Variants in PCDH11X observed in about 807,000 individuals in gnomAD.
PCDH11X encodes protocadherin 11 X-linked.
PCDH11X carries 18 observed loss-of-function variants against 53.3 expected under a neutral mutation model. That is an observed-to-expected ratio of 0.34 (90% CI 0.23 to 0.50). The LOEUF (loss-of-function observed/expected upper bound fraction) is 0.50, where lower values mean the gene tolerates loss of function less well. PCDH11X is among the 20% of genes least tolerant of loss of function. PCDH11X has a pLI of 0.98. For synonymous variants in PCDH11X, 279 were observed against 393.3 expected (o/e 0.71, Z 3.44); for missense variants, 570 against 1,032.4 (o/e 0.55, Z 6.14).
chrX:91,813,368 C>T (rs1444074895), intron 4 of PCDH11X, among the ~76,000 whole-genome samples: 2 of 105,715 alleles, frequency 1.9e-5, no homozygotes, highest in Non-Finnish European at 3.9e-5. Flanking sequence ...TATGCTTATT[C>T]AAATTTTCCC....
At chrX:91,887,850 T>C (rs974644678) in intron 6 of PCDH11X, among the ~76,000 whole-genome samples, 58 of 111,476 alleles carry the variant, frequency 5.2e-4, no homozygotes, top group Middle Eastern at 4.7e-3. Context: ...CCTTGATTAG[T>C]TGATAGTGTA....
At chrX:91,821,374 G>T (rs1433592865) in intron 4 of PCDH11X, among the ~76,000 whole-genome samples, 1 of 108,859 alleles carries the variant, frequency 9.2e-6, no homozygotes, top group Non-Finnish European at 1.9e-5. Context: ...AGTTCTCCTT[G>T]AAGAGGTCCT....
chrX:91,948,555 C>T lies in PCDH11X; in HGVS notation c.3033+69282C>T, dbSNP rs376129676. On this transcript the variant is annotated intron_variant, in intron 6 of 10. Coordinates refer to ENST00000682573, the MANE Select transcript of PCDH11X (RefSeq NM_032968.5). ...TGCTCTGTCCTACACTAAGATGTTG[C>T]AATCAGATGATACATTTATATTAGT... Among the ~76,000 whole-genome samples, 4 of 110,610 alleles carry T rather than the reference C, an allele frequency of 3.6e-5. No homozygotes were observed. The East Asian group carries it at 8.6e-4, about 24-fold the overall frequency.
chrX:91,951,835 C>T (rs956700275), intron 6 of PCDH11X, among the ~76,000 whole-genome samples: 3 of 111,474 alleles, frequency 2.7e-5, no homozygotes, highest in African/African-American at 6.5e-5. Flanking sequence ...AAGAATCACC[C>T]GTTAGCACTG....
rs762953389 is a variant in PCDH11X, at chrX:92,534,761, A to G, written c.3367+66439A>G. Among the ~76,000 whole-genome samples, 157 of 111,765 alleles carry G rather than the reference A, an allele frequency of 1.4e-3. 1 individual carries two copies. Among genetic ancestry groups the G allele is most frequent in the African/African-American group, 4.9e-3 (151 of 30,732 alleles). On this transcript the variant is annotated intron_variant, in intron 10 of 10. Transcript: ENST00000682573. ...TGGGGGCCAATATTCAACATTCTTA[A>G]AAAAAGAATTTTCAACCCAGAATTT... is the stretch of plus-strand genomic sequence containing the variant.
intron 6 of PCDH11X, among the ~76,000 whole-genome samples, chrX:92,055,519 T>C (rs2063435886): frequency 9.6e-6 from 1 of 104,638 alleles, no homozygotes; most frequent in Non-Finnish European, 2.0e-5. Flanking sequence ...ATATGACATG[T>C]GTTTGGGGCT....
chrX:92,107,229 CA>C lies in PCDH11X; in HGVS notation c.3034-94142del, dbSNP rs1473811217. On this transcript the variant is annotated intron_variant, in intron 6 of 10. Transcript: ENST00000682573. ...TGTTGATTGACGTGTGATGTCTCCT[CA>C]AAATATGTAAAAACAAGCTGTACCC... Among the ~76,000 whole-genome samples the C allele has an allele frequency of 7.2e-5, 8 of 111,498 alleles. No individual in the cohort carries two copies. In the East Asian group the frequency reaches 2.0e-3, roughly 28 times the overall value.
At chrX:91,785,785 T>G (rs1935317742) in intron 1 of PCDH11X, among the ~76,000 whole-genome samples, 1 of 106,288 alleles carries the variant, frequency 9.4e-6, no homozygotes, top group Non-Finnish European at 2.0e-5. Flanking sequence ...TTTGAAATGG[T>G]GTTATTTTTC....
intron 1 of PCDH11X, among the ~76,000 whole-genome samples, chrX:91,785,218 C>T (rs1168001111): frequency 9.9e-6 from 1 of 100,769 alleles, no homozygotes; most frequent in Non-Finnish European, 2.0e-5. Context: ...TCCTCCCCCC[C>T]TCCTCCTTTT....
intron 6 of PCDH11X, among the ~76,000 whole-genome samples, chrX:92,183,730 C>T (rs1367949385): frequency 8.9e-6 from 1 of 112,301 alleles, no homozygotes; most frequent in Admixed American, 9.4e-5. Flanking sequence ...TCCTGCCACG[C>T]TGGCTTCCTC....
At chrX:92,046,104 C>T (rs2063284767) in intron 6 of PCDH11X, among the ~76,000 whole-genome samples, 1 of 111,591 alleles carries the variant, frequency 9.0e-6, no homozygotes, top group Non-Finnish European at 1.9e-5. Context: ...GCCAATTGTG[C>T]ATCTCTTTCC....
At chrX:92,071,048 G>A (rs2148078553) in intron 6 of PCDH11X, among the ~76,000 whole-genome samples, 1 of 108,726 alleles carries the variant, frequency 9.2e-6, no homozygotes, top group South Asian at 3.9e-4. Flanking sequence ...CTCGTGATCT[G>A]CCAACCTTGG....
chrX:91,976,066 T>G (rs1444738079), intron 6 of PCDH11X, among the ~76,000 whole-genome samples: 2 of 111,804 alleles, frequency 1.8e-5, no homozygotes, highest in Non-Finnish European at 3.8e-5. Context: ...TTCGTTGTTG[T>G]TTTTGAGACT....
chrX:92,353,597 T>C (rs2070113765), intron 8 of PCDH11X, among the ~76,000 whole-genome samples: 2 of 110,911 alleles, frequency 1.8e-5, no homozygotes, highest in South Asian at 3.8e-4. Context: ...GTTCGACTAA[T>C]GCATGACGTC....
At chrX:92,558,659 G>C (rs1177949853) in intron 10 of PCDH11X, among the ~76,000 whole-genome samples, 1 of 109,929 alleles carries the variant, frequency 9.1e-6, no homozygotes, top group Non-Finnish European at 1.9e-5. Context: ...AAATATTGGT[G>C]TAAACTCCTC....
chrX:92,444,924 A>G (rs1450274311), intron 9 of PCDH11X, among the ~76,000 whole-genome samples: 4 of 95,035 alleles, frequency 4.2e-5, no homozygotes, highest in Non-Finnish European at 8.5e-5. Flanking sequence ...AATCATGACA[A>G]GTTAACTTTT....
chrX:92,260,138 C>G (rs2067683749), intron 7 of PCDH11X, among the ~76,000 whole-genome samples: 2 of 110,471 alleles, frequency 1.8e-5, no homozygotes, highest in African/African-American at 6.6e-5. Flanking sequence ...CCCACTGTCT[C>G]TGGGCCTAAT....
intron 6 of PCDH11X, among the ~76,000 whole-genome samples, chrX:91,943,515 T>G (rs1282590458): frequency 9.1e-6 from 1 of 110,209 alleles, no homozygotes; most frequent in Non-Finnish European, 1.9e-5. Flanking sequence ...ATAGCAAATA[T>G]AAGAAAAATA....
rs1170661063 is a variant in PCDH11X at position 92,111,553 on chromosome X, TAAA to T, written c.3034-89817_3034-89815del. On this transcript the variant is annotated intron_variant, in intron 6 of 10. Transcript: ENST00000682573. ...AAGAAGAAAAATGTATAGGAAATTT[TAAA>T]AAAACAGCATTTATTTATCCAGTTT... Among the ~76,000 whole-genome samples the T allele has an allele frequency of 5.4e-5, 6 of 110,520 alleles. No individual in the cohort carries two copies. The South Asian group carries it at 1.2e-3, about 21-fold the overall frequency.
Sources: allele counts gnomAD v4.1 joint callset (sites outside exome capture counted in the v4.1 genomes callset), GRCh38; gene constraint gnomAD v4.1.1; transcripts MANE v1.5; gene names NCBI Gene and HGNC (gene_info 2026-07-23, HGNC 2026-07-21).